RORA: variants seen among roughly 807,000 people sequenced by gnomAD.
RORA encodes the protein RAR related orphan receptor A.
Under a neutral mutation model 69.5 loss-of-function variants are expected in RORA, and 7 were observed. That is an observed-to-expected ratio of 0.10 (90% CI 0.06 to 0.19). The LOEUF is 0.19. Among genes scored for constraint, RORA ranks in the 10% least tolerant of loss-of-function variants. The pLI, the probability that RORA is intolerant of heterozygous loss-of-function variation, is 1.00. For missense variants in RORA, 457 were observed against 663.0 expected (o/e 0.69, Z 3.41); for synonymous variants, 261 against 240.8 (o/e 1.08, Z -0.78).
At chr15:61,212,529 A>G (rs2080002660) in intron 1 of RORA, among the ~76,000 whole-genome samples, 1 of 152,074 alleles carries the variant, frequency 6.6e-6, no homozygotes, top group Admixed American at 6.5e-5. Flanking sequence ...CCTCCCAAGT[A>G]GCTGGGATTA....
At chr15:60,821,266 C>T (rs1191384349) in intron 1 of RORA, among the ~76,000 whole-genome samples, 6 of 152,112 alleles carry the variant, frequency 3.9e-5, no homozygotes, top group African/African-American at 7.2e-5. Flanking sequence ...AGCCTCTTTC[C>T]GTCTCCCTGC....
chr15:60,821,654 G>A (rs552176787), intron 1 of RORA, among the ~76,000 whole-genome samples: 33 of 152,268 alleles, frequency 2.2e-4, no homozygotes, highest in Non-Finnish European at 4.3e-4. Flanking sequence ...ACTCATCTTT[G>A]CATCCGTAGC....
intron 1 of RORA, among the ~76,000 whole-genome samples, chr15:61,085,505 C>T (rs1223737885): frequency 6.6e-6 from 1 of 152,218 alleles, no homozygotes; most frequent in African/African-American, 2.4e-5. Context: ...CGTGGGCCCG[C>T]CTGAAAAGGT....
At chr15:60,524,850 C>T (rs1453684646) in intron 3 of RORA, among the ~76,000 whole-genome samples, 1 of 152,148 alleles carries the variant, frequency 6.6e-6, no homozygotes, top group Non-Finnish European at 1.5e-5. Flanking sequence ...CTACAATTGG[C>T]AAAGTAGGGA....
intron 1 of RORA, among the ~76,000 whole-genome samples, chr15:60,813,866 C>T (rs1362728743): frequency 6.6e-6 from 1 of 152,116 alleles, no homozygotes; most frequent in Non-Finnish European, 1.5e-5. Flanking sequence ...TGAAGCATCA[C>T]ATTTAAGATC....
At chr15:60,709,570 T>C (rs2071114820) in intron 1 of RORA, among the ~76,000 whole-genome samples, 1 of 151,884 alleles carries the variant, frequency 6.6e-6, no homozygotes, top group Admixed American at 6.6e-5. Context: ...CAGCATGAGA[T>C]TCTCAAAGAA....
intron 2 of RORA, among the ~76,000 whole-genome samples, chr15:60,626,161 G>A (rs1298989278): frequency 1.3e-5 from 2 of 152,144 alleles, no homozygotes; most frequent in Admixed American, 6.5e-5. Context: ...AACCCAGGGT[G>A]GGTAGCCTGG....
In RORA at chr15:60,637,151, C is replaced by T. The variant is rs77459317; in HGVS notation, c.196+41506G>A. Reference sequence around the variant, plus strand: ...TCATTTTCAAGACTTTAGTACCTATCGCCAAGAAAGCTGTATCAATTTATA... The same window carrying T: ...TCATTTTCAAGACTTTAGTACCTATTGCCAAGAAAGCTGTATCAATTTATA... On this transcript the variant is annotated intron_variant, in intron 2 of 10. Coordinates refer to ENST00000335670, the MANE Select transcript of RORA (RefSeq NM_134261.3). Among the ~76,000 whole-genome samples the T allele has an allele frequency of 2.0e-3, 310 of 152,064 alleles. 1 individual carries two copies. Among genetic ancestry groups the T allele is most frequent in the Admixed American group, 3.2e-3 (49 of 15,286 alleles).
intron 2 of RORA, among the ~76,000 whole-genome samples, chr15:60,641,964 T>C (rs558805371): frequency 6.6e-6 from 1 of 152,348 alleles, no homozygotes; most frequent in Admixed American, 6.5e-5. Flanking sequence ...TAAGTAGCAT[T>C]GCGATTCTCT....
chr15:60,902,696 G>A (rs879285366), intron 1 of RORA, among the ~76,000 whole-genome samples: 1 of 152,192 alleles, frequency 6.6e-6, no homozygotes, highest in Non-Finnish European at 1.5e-5. Flanking sequence ...CTCTCTGAGA[G>A]GAAAACCCTT....
chr15:60,955,928 G>A (rs188100533), intron 1 of RORA, among the ~76,000 whole-genome samples: 2 of 152,248 alleles, frequency 1.3e-5, no homozygotes, highest in East Asian at 1.9e-4. Flanking sequence ...ATTGCAAAGC[G>A]GTAGACAAAG....
At chr15:60,865,436 G>A (rs546089964) in intron 1 of RORA, among the ~76,000 whole-genome samples, 98 of 152,290 alleles carry the variant, frequency 6.4e-4, no homozygotes, top group Non-Finnish European at 1.2e-3. Context: ...TGAAAATAGA[G>A]CTGTGGTTTT....
At chr15:61,118,362 T>G (rs1003027160) in intron 1 of RORA, among the ~76,000 whole-genome samples, 1 of 152,136 alleles carries the variant, frequency 6.6e-6, no homozygotes, top group Non-Finnish European at 1.5e-5. Flanking sequence ...AGAGCTGTAC[T>G]GGGATTATTT....
chr15:60,866,572 T>A (rs1567219140), intron 1 of RORA, among the ~76,000 whole-genome samples: 1 of 152,118 alleles, frequency 6.6e-6, no homozygotes, highest in Non-Finnish European at 1.5e-5. Context: ...AGGAACAAAC[T>A]GTGTGATTGG....
chr15:60,533,903 C>A (rs1273678553), intron 2 of RORA, among the ~76,000 whole-genome samples: 1 of 152,210 alleles, frequency 6.6e-6, no homozygotes, highest in African/African-American at 2.4e-5. Flanking sequence ...CTCTTTAGGT[C>A]CTAGCATTTA....
At chr15:60,620,950 C>A (rs796283555) in intron 2 of RORA, among the ~76,000 whole-genome samples, 1 of 152,224 alleles carries the variant, frequency 6.6e-6, no homozygotes, top group South Asian at 2.1e-4. Context: ...GCTGCAATCC[C>A]GGGCTGCGTT....
At chr15:60,945,623 T>C (rs1362941016) in intron 1 of RORA, among the ~76,000 whole-genome samples, 1 of 152,202 alleles carries the variant, frequency 6.6e-6, no homozygotes, top group African/African-American at 2.4e-5. Context: ...ATATGTTCCA[T>C]TCAGAAGTAG....
At chr15:60,860,284 G>A (rs781497818) in intron 1 of RORA, among the ~76,000 whole-genome samples, 4 of 152,182 alleles carry the variant, frequency 2.6e-5, no homozygotes, top group Non-Finnish European at 4.4e-5. Flanking sequence ...CCCAATCCAA[G>A]AGAGTGCAGT....
At chr15:61,039,755 A>AAT in intron 1 of RORA, among the ~76,000 whole-genome samples, 1 of 151,432 alleles carries the variant, frequency 6.6e-6, no homozygotes, top group East Asian at 2.0e-4. Flanking sequence ...AAAAAAAAAA[A>AAT]AAAAAAAATA....
Sources: allele counts gnomAD v4.1 joint callset (sites outside exome capture counted in the v4.1 genomes callset), GRCh38; gene constraint gnomAD v4.1.1; transcripts MANE v1.5; gene names NCBI Gene and HGNC (gene_info 2026-07-23, HGNC 2026-07-21).